CALN1: variants seen among roughly 807,000 people sequenced by gnomAD.
CALN1 encodes the protein calcium-binding protein 8.
A neutral mutation model predicts 30.6 loss-of-function variants in CALN1; 17 were observed. That is an observed-to-expected ratio of 0.56 (90% CI 0.38 to 0.83). The LOEUF (loss-of-function observed/expected upper bound fraction) is 0.83, where lower values mean the gene tolerates loss of function less well. Ranked by LOEUF, CALN1 falls within the 40% of genes least tolerant of loss-of-function variation. CALN1 has a pLI of 0.00. For missense variants in CALN1, 291 were observed against 354.9 expected, an observed-to-expected ratio of 0.82 and a Z score of 1.45; for synonymous variants, 156 against 131.4, an observed-to-expected ratio of 1.19 and a Z score of -1.28.
At chr7:72,209,386 CTCTT>C (rs369938144) in intron 3 of CALN1, among the ~76,000 whole-genome samples, 18 of 5,844 alleles carry the variant, frequency 3.1e-3, no homozygotes, top group African/African-American at 4.7e-3. Flanking sequence ...CCCTCCTTCC[CTCTT>C]TCCTTCCCTC....
rs529066818 is a variant in CALN1, at chr7:72,354,306, A to T, written c.119+48945T>A. On this transcript the variant is annotated intron_variant, in intron 2 of 6. Coordinates refer to ENST00000395275, the MANE Select transcript of CALN1 (RefSeq NM_031468.4). ...AAACATTGCTGAGAGAGATTAAAGAAGACCAAAAATAAATGGAGACCTATA... is the reference window on the plus strand; with the variant it reads ...AAACATTGCTGAGAGAGATTAAAGATGACCAAAAATAAATGGAGACCTATA... Among the ~76,000 whole-genome samples, 2 of 152,222 alleles carry T rather than the reference A, an allele frequency of 1.3e-5. 1 individual carries two copies. The highest frequency in any genetic ancestry group is 1.3e-4 in the Admixed American group (2 of 15,280).
intron 6 of CALN1, among the ~76,000 whole-genome samples, chr7:71,796,442 C>T (rs1448669252): frequency 2.6e-5 from 4 of 150,978 alleles, no homozygotes; most frequent in Non-Finnish European, 5.9e-5. Flanking sequence ...TCACTGCAAC[C>T]TCCGCCTCCC....
chr7:72,406,423 C>T (rs978042728), intron 1 of CALN1, among the ~76,000 whole-genome samples: 4 of 152,162 alleles, frequency 2.6e-5, no homozygotes, highest in African/African-American at 7.2e-5. Flanking sequence ...CCCAAATTAA[C>T]CGGTTATCTC....
chr7:72,051,339 C>G (rs931365527), intron 4 of CALN1, among the ~76,000 whole-genome samples: 3 of 151,846 alleles, frequency 2.0e-5, no homozygotes, highest in African/African-American at 7.3e-5. Flanking sequence ...CTTTGTATAA[C>G]CAAAAGCTAA....
At chr7:71,998,740 A>G (rs1266872988) in intron 5 of CALN1, among the ~76,000 whole-genome samples, 2 of 152,052 alleles carry the variant, frequency 1.3e-5, no homozygotes, top group Non-Finnish European at 2.9e-5. Context: ...TATTTTTAGT[A>G]GAGATGAGGT....
chr7:72,367,903 G>A (rs1803969287), intron 2 of CALN1, among the ~76,000 whole-genome samples: 1 of 152,034 alleles, frequency 6.6e-6, no homozygotes, highest in Admixed American at 6.6e-5. Flanking sequence ...GGAGGCCGAG[G>A]CGGATGGATC....
chr7:72,467,694 A>G, the CALN1 span, among the ~76,000 whole-genome samples: 1 of 152,168 alleles, frequency 6.6e-6, no homozygotes, highest in Non-Finnish European at 1.5e-5. Context: ...CCTCTGCTAC[A>G]CAACTATTGT....
chr7:72,216,428 A>G (rs1385327996), intron 3 of CALN1, among the ~76,000 whole-genome samples: 2 of 152,024 alleles, frequency 1.3e-5, no homozygotes, highest in African/African-American at 4.8e-5. Context: ...AAAAAACATT[A>G]AAGATAAATA....
At chr7:71,793,463 A>C (rs1474018573) in intron 6 of CALN1, among the ~76,000 whole-genome samples, 1 of 152,234 alleles carries the variant, frequency 6.6e-6, no homozygotes, top group Non-Finnish European at 1.5e-5. Context: ...GGCTAAGCAA[A>C]GAGGAATGAC....
At chr7:72,453,844 G>C in the CALN1 span, among the ~76,000 whole-genome samples, 1 of 152,190 alleles carries the variant, frequency 6.6e-6, no homozygotes, top group Non-Finnish European at 1.5e-5. Context: ...AATTATAAGA[G>C]AGAGTGAAGT....
intron 2 of CALN1, among the ~76,000 whole-genome samples, chr7:72,391,911 G>A (rs73364955): frequency 0.067 from 10,200 of 152,164 alleles, 1,084 homozygotes; most frequent in African/African-American, 0.23. Context: ...AATTCATTCA[G>A]CCTCCTTCTG....
intron 5 of CALN1, among the ~76,000 whole-genome samples, chr7:71,911,740 T>C (rs1794433614): frequency 6.6e-6 from 1 of 152,144 alleles, no homozygotes; most frequent in African/African-American, 2.4e-5. Flanking sequence ...TGCTAAGATA[T>C]GAATGACTCA....
At chr7:72,092,321 C>T (rs771558205) in intron 4 of CALN1, among the ~76,000 whole-genome samples, 25 of 151,876 alleles carry the variant, frequency 1.6e-4, no homozygotes, top group Non-Finnish European at 2.9e-4. Context: ...TTGTTCTTTA[C>T]GATTTAATTA....
intron 2 of CALN1, among the ~76,000 whole-genome samples, chr7:72,315,538 C>G (rs1277422156): frequency 6.6e-6 from 1 of 151,858 alleles, no homozygotes; most frequent in Non-Finnish European, 1.5e-5. Context: ...AAGATCCTGT[C>G]TCTACAAAAA....
intron 3 of CALN1, among the ~76,000 whole-genome samples, chr7:72,244,172 A>G (rs1330658912): frequency 1.3e-5 from 2 of 152,202 alleles, no homozygotes; most frequent in Non-Finnish European, 2.9e-5. Flanking sequence ...TTTTTGAAGA[A>G]ATCTCTGATT....
chr7:72,485,678 C>G, the CALN1 span, among the ~76,000 whole-genome samples: 1 of 152,162 alleles, frequency 6.6e-6, no homozygotes, highest in Non-Finnish European at 1.5e-5. Context: ...CAAGACCAGC[C>G]TGGCCAACAT....
At chr7:71,934,088 A>G (rs1795701859) in intron 5 of CALN1, among the ~76,000 whole-genome samples, 1 of 152,200 alleles carries the variant, frequency 6.6e-6, no homozygotes, top group African/African-American at 2.4e-5. Context: ...GCTGATATCA[A>G]ATTTTTTTAA....
chr7:72,326,780 G>A (rs1290929853), intron 2 of CALN1, among the ~76,000 whole-genome samples: 1 of 152,140 alleles, frequency 6.6e-6, no homozygotes, highest in African/African-American at 2.4e-5. Context: ...CCAATAACAA[G>A]GAGCCACAGC....
At chr7:72,252,648 G>A (rs1238523454) in intron 3 of CALN1, among the ~76,000 whole-genome samples, 1 of 151,264 alleles carries the variant, frequency 6.6e-6, no homozygotes, top group East Asian at 1.9e-4. Context: ...AAGGGAGGGA[G>A]GGACGGAGAT....
Sources: gnomAD v4.1 joint callset for allele counts (sites outside exome capture counted in the v4.1 genomes callset) on GRCh38, gnomAD v4.1.1 for gene constraint, MANE v1.5 for transcripts, NCBI Gene and HGNC (gene_info 2026-07-23, HGNC 2026-07-21) for gene names.